USH2A: variants seen among roughly 807,000 people sequenced by gnomAD.
The protein encoded by USH2A is usherin, also known as Usher syndrome 2A (autosomal recessive, mild).
A neutral mutation model predicts 538.9 loss-of-function variants in USH2A; 443 were observed. The observed-to-expected ratio is 0.82, with a 90% CI of 0.76 to 0.89. The LOEUF (loss-of-function observed/expected upper bound fraction) is 0.89. Ranked by LOEUF, USH2A falls within the 40% of genes least tolerant of loss-of-function variation. The probability of loss-of-function intolerance (pLI) is 0.00; values close to 1 mark genes in which losing one functional copy is unlikely to be tolerated. For missense variants in USH2A, 6,633 were observed against 6,324.8 expected (o/e 1.05, Z -1.65); for synonymous variants, 2,413 against 2,273.5 (o/e 1.06, Z -1.75).
intron 11 of USH2A, among the ~76,000 whole-genome samples, chr1:216,282,953 T>C (rs1330730759): frequency 1.3e-5 from 2 of 152,216 alleles, no homozygotes; most frequent in East Asian, 1.9e-4. Flanking sequence ...TTCTAAATAT[T>C]TTAATCTTTT....
intron 47 of USH2A, among the ~76,000 whole-genome samples, chr1:215,836,550 T>TC (rs1236209630): frequency 2.2e-4 from 4 of 18,376 alleles, no homozygotes; most frequent in African/African-American, 9.0e-4. Flanking sequence ...ATAATATATA[T>TC]ATATATATAT....
chr1:216,010,487 G>A lies in USH2A; in HGVS notation c.6326-9925C>T, dbSNP rs547492485. On this transcript the variant is annotated intron_variant, in intron 32 of 71. Coordinates refer to ENST00000307340, the MANE Select transcript of USH2A (RefSeq NM_206933.4). ...GGCTGAAGACTGACACTGCCCGATCGCCTTGGAAGCCCCCTAGACCATCAC... is the reference window on the plus strand; with the variant it reads ...GGCTGAAGACTGACACTGCCCGATCACCTTGGAAGCCCCCTAGACCATCAC... 5.9e-5 allele frequency among the ~76,000 whole-genome samples: 9 copies of A among 151,854 alleles called. No individual in the cohort carries two copies. In the South Asian group the frequency reaches 8.3e-4, roughly 14 times the overall value.
chr1:216,359,805 G>A (rs1281298694), intron 4 of USH2A, among the ~76,000 whole-genome samples: 2 of 151,926 alleles, frequency 1.3e-5, no homozygotes, highest in Non-Finnish European at 2.9e-5. Context: ...TATAAAAACT[G>A]ATTAGATTTT....
chr1:216,288,074 T>C (rs2036920855), intron 11 of USH2A, among the ~76,000 whole-genome samples: 1 of 152,094 alleles, frequency 6.6e-6, no homozygotes, highest in Admixed American at 6.6e-5. Flanking sequence ...CTTGAGAATG[T>C]TTTGTAATTG....
At chr1:215,945,720 T>C (rs566878215) in intron 37 of USH2A, among the ~76,000 whole-genome samples, 28 of 152,118 alleles carry the variant, frequency 1.8e-4, no homozygotes, top group Non-Finnish European at 3.4e-4. Context: ...CTCATAGATG[T>C]CAATAAAAAT....
At chr1:216,350,961 T>C (rs2038270506) in intron 4 of USH2A, among the ~76,000 whole-genome samples, 1 of 152,190 alleles carries the variant, frequency 6.6e-6, no homozygotes. Context: ...CAGGCTTTTC[T>C]GTACATCCTC....
Position 215,648,799 on chromosome 1 carries a change from T to C in USH2A, c.14344-33A>G, listed in dbSNP as rs375255965. On this transcript the variant is annotated intron_variant, in intron 65 of 71. Coordinates refer to ENST00000307340, the MANE Select transcript of USH2A (RefSeq NM_206933.4). The stretch of plus-strand genomic sequence containing the variant: ...AGGAAGGAAGGCTAGATAAAGGCAG[T>C]GTCAAACATTAAAGGTGTTTGATGA... 2.5e-6 allele frequency: 4 copies of C among 1,589,730 alleles called. No individual in the cohort carries two copies. The African/African-American group carries it at 4.0e-5, about 16-fold the overall frequency.
intron 35 of USH2A, among the ~76,000 whole-genome samples, chr1:215,977,058 AAAACACATCCTCAGAGACTATTAT>A (rs1667635748): frequency 1.3e-5 from 2 of 151,694 alleles, no homozygotes; most frequent in Non-Finnish European, 2.9e-5. Context: ...ACAAACAAGC[AAAACACATCCTCAGAGACTATTAT>A]AAACACCTCT....
At chr1:215,788,858 C>G (rs1362062982) in intron 51 of USH2A, among the ~76,000 whole-genome samples, 1 of 151,906 alleles carries the variant, frequency 6.6e-6, no homozygotes, top group Non-Finnish European at 1.5e-5. Flanking sequence ...AAAAAATTTA[C>G]CCTCCATACA....
chr1:215,640,728 T>G lies in USH2A; in HGVS notation c.14798A>C (p.Gln4933Pro). The change falls in exon 68 of 72, where the codon CAG (glutamine) becomes CCG (proline). Residue 4933 changes from glutamine (Q) to proline (P), a missense_variant. Physicochemically the swap from Gln to Pro is moderately conservative, Grantham distance 76. Transcript: ENST00000307340. Reference sequence around the variant, plus strand: ...GTCCACCGAAAATGGGGCTCGGTACTGAGGCACTGTGGGGAGAAAGTTGTA... The same window carrying G: ...GTCCACCGAAAATGGGGCTCGGTACGGAGGCACTGTGGGGAGAAAGTTGTA... ...ISFTTQKELP[Q>P]YRAPFSVDSN... 1 of 1,612,708 alleles carries G rather than the reference T, an allele frequency of 6.2e-7. No homozygotes were observed. The highest frequency in any genetic ancestry group is 1.1e-5 in the South Asian group (1 of 90,972).
In USH2A at chr1:215,979,432, G is replaced by T. The variant is rs75969312; in HGVS notation, c.6806-8656C>A. Among the ~76,000 whole-genome samples the T allele has an allele frequency of 1.6e-3, 244 of 152,238 alleles. 5 individuals carry two copies. In the East Asian group the frequency reaches 0.039, roughly 24 times the overall value. On this transcript the variant is annotated intron_variant, in intron 35 of 71. Coordinates refer to ENST00000307340, the MANE Select transcript of USH2A (RefSeq NM_206933.4). ...TTTTATGATGCACAGGAGACCATTAGTGTTTTTATGAACTGACTAGCGACA... is the reference window on the plus strand; with the variant it reads ...TTTTATGATGCACAGGAGACCATTATTGTTTTTATGAACTGACTAGCGACA...
chr1:216,404,138 C>G (rs1325890715), intron 3 of USH2A, among the ~76,000 whole-genome samples: 1 of 151,944 alleles, frequency 6.6e-6, no homozygotes, highest in Non-Finnish European at 1.5e-5. Context: ...TTACAAAATG[C>G]CAATAAAAGA....
rs574058173 is a variant in USH2A at position 215,670,864 on chromosome 1, A to C, written c.14133+108T>G. 8.9e-6 allele frequency: 10 copies of C among 1,120,770 alleles called. 1 individual carries two copies. In the South Asian group the frequency reaches 1.4e-4, roughly 15 times the overall value. The allele number at this position is 1,120,770 out of a possible 1,614,324, so 69.4% of individuals were successfully genotyped here. ...TTAAGGAATATTATTATTCTCCTTA[A>C]GTCCTACATTTCTTTAAGTGCCTTT... On this transcript the variant is annotated intron_variant, in intron 64 of 71. Coordinates refer to ENST00000307340, the MANE Select transcript of USH2A (RefSeq NM_206933.4).
intron 9 of USH2A, among the ~76,000 whole-genome samples, chr1:216,305,737 G>T (rs1606358): frequency 0.38 from 57,387 of 151,772 alleles, 11,769 homozygotes; most frequent in African/African-American, 0.55. Flanking sequence ...TTTGTTTGTC[G>T]GAAAAAGACT....
Position 216,089,120 on chromosome 1 carries a change from G to A in USH2A, c.4778C>T (p.Thr1593Ile), listed in dbSNP as rs759578610. Residue 1593 changes from threonine to isoleucine, a missense_variant, in exon 23 of 72, where the codon ACT (threonine) becomes ATT (isoleucine). By Grantham distance (89) the Thr-to-Ile change is moderately conservative (BLOSUM62 -1). Transcript: ENST00000307340. ...FDPQGSPVEV[T>I]TTNDHGKQYS... ...TTGTTTGCCATGATCATTAGTTGTA[G>A]TTACTTCCACTGGTGACCCCTTAAG... is the stretch of plus-strand genomic sequence containing the variant. 5 of 1,612,994 alleles carry A rather than the reference G, an allele frequency of 3.1e-6. No homozygotes were observed. Among genetic ancestry groups the A allele is most frequent in the Non-Finnish European group, 4.2e-6 (5 of 1,179,296 alleles).
chr1:216,381,958 A>G (rs903334946), intron 3 of USH2A, among the ~76,000 whole-genome samples: 1 of 152,192 alleles, frequency 6.6e-6, no homozygotes, highest in Non-Finnish European at 1.5e-5. Flanking sequence ...AAATTCACAT[A>G]AAAGCAGACC....
intron 30 of USH2A, among the ~76,000 whole-genome samples, chr1:216,066,973 A>G (rs1225475826): frequency 3.9e-5 from 6 of 152,204 alleles, no homozygotes. Context: ...GGGATTTATT[A>G]TATCATCATT....
chr1:216,181,048 A>G (rs115013447), intron 20 of USH2A, among the ~76,000 whole-genome samples: 1 of 152,188 alleles, frequency 6.6e-6, no homozygotes, highest in African/African-American at 2.4e-5. Flanking sequence ...TTGACTGTCT[A>G]TTATCTGACC....
intron 21 of USH2A, among the ~76,000 whole-genome samples, chr1:216,098,870 G>A (rs998762325): frequency 7.9e-5 from 12 of 152,246 alleles, no homozygotes; most frequent in Admixed American, 2.0e-4. Context: ...AGAATATGAA[G>A]GATTTGGCGG....
Sources: gnomAD v4.1 joint callset for allele counts (sites outside exome capture counted in the v4.1 genomes callset) on GRCh38, gnomAD v4.1.1 for gene constraint, MANE v1.5 for transcripts, NCBI Gene and HGNC (gene_info 2026-07-23, HGNC 2026-07-21) for gene names.